B3GALNT2: variants seen among roughly 807,000 people sequenced by gnomAD.
B3GALNT2 encodes beta-1,3-N-acetylgalactosaminyltransferase 2, also known as UDP-GalNAc:beta-1,3-N-acetylgalactosaminyltransferase 2.
A neutral mutation model predicts 61.1 loss-of-function variants in B3GALNT2; 53 were observed. The observed-to-expected ratio is 0.87, with a 90% CI of 0.70 to 1.09. The LOEUF is 1.09. B3GALNT2 is among the 50% of genes least tolerant of loss of function. The pLI is 0.00. For synonymous variants in B3GALNT2, 223 were observed against 237.4 expected (o/e 0.94, Z 0.56); for missense variants, 544 against 623.0 (o/e 0.87, Z 1.35).
rs1226733916 is a variant in B3GALNT2 at position 235,504,235 on chromosome 1, C to A, written c.18G>T (p.Val6=). 1 of 1,484,706 alleles carries A rather than the reference C, an allele frequency of 6.7e-7. No individual in the cohort carries two copies. The highest frequency in any genetic ancestry group is 2.2e-5 in the Admixed American group (1 of 45,520). The allele number at this position is 1,484,706 out of a possible 1,614,324, so 92.0% of individuals were successfully genotyped here. A position where few individuals can be genotyped will look rare whatever the true frequency, so the allele number is the denominator to read the frequency against. MRNWL[V]LLCPCVLGAA... Reference sequence around the variant, plus strand: ...CCCCGAGCACACACGGGCACAGCAGCACCAGCCAGTTTCGCATTGGCCGCC... The same window carrying A: ...CCCCGAGCACACACGGGCACAGCAGAACCAGCCAGTTTCGCATTGGCCGCC... The change falls in exon 1 of 12, where the codon GTG becomes GTT. Residue 6 remains valine (V), a synonymous_variant. Coordinates refer to ENST00000366600, the MANE Select transcript of B3GALNT2 (RefSeq NM_152490.5).
In B3GALNT2 at chr1:235,450,352, C is replaced by T; in HGVS notation, c.1369-12G>A. 1 of 1,613,352 alleles carries T rather than the reference C, an allele frequency of 6.2e-7. No homozygotes were observed. Among genetic ancestry groups the T allele is most frequent in the Non-Finnish European group, 8.5e-7 (1 of 1,179,408 alleles). ...AGCCACAGACTGTCCTGTTGAGAAA[C>T]AACCAAAGCCGATCTGAGAGTGGTG... On this transcript the variant is annotated splice_polypyrimidine_tract_variant and intron_variant, in intron 11 of 11. Coordinates refer to ENST00000366600, the MANE Select transcript of B3GALNT2 (RefSeq NM_152490.5).
chr1:235,483,134 T>G (rs1684633662), intron 4 of B3GALNT2, among the ~76,000 whole-genome samples: 1 of 152,044 alleles, frequency 6.6e-6, no homozygotes, highest in Non-Finnish European at 1.5e-5. Context: ...AATAAAAAAT[T>G]CATTGGATAG....
intron 3 of B3GALNT2, among the ~76,000 whole-genome samples, chr1:235,487,800 T>C (rs143774929): frequency 1.9e-3 from 284 of 152,314 alleles, no homozygotes; most frequent in Middle Eastern, 3.4e-3. Context: ...GTCTTTGTTT[T>C]TGAGACAGGG....
intron 7 of B3GALNT2, chr1:235,465,314 T>C (rs1683634354): frequency 7.9e-6 from 2 of 254,254 alleles, no homozygotes; most frequent in South Asian, 1.6e-4. Context: ...GAGTACGTAC[T>C]GTGCATTTCC....
chr1:235,462,899 A>G (rs774278843), intron 7 of B3GALNT2, among the ~76,000 whole-genome samples: 4 of 152,222 alleles, frequency 2.6e-5, no homozygotes, highest in Non-Finnish European at 5.9e-5. Context: ...TAGGAAAGTA[A>G]GTCATTATAT....
At chr1:235,455,819 T>C (rs1456929328) in intron 8 of B3GALNT2, 135 bp from the exon 9 acceptor site, 8 of 1,167,784 alleles carry the variant, frequency 6.9e-6, no homozygotes, top group Non-Finnish European at 7.1e-6. Flanking sequence ...GTTGAGAACA[T>C]TTGCTCTAAC....
chr1:235,484,741 T>A (rs975393473), intron 3 of B3GALNT2: 2 of 710,932 alleles, frequency 2.8e-6, no homozygotes, highest in African/African-American at 3.6e-5. Context: ...AAGTTAATTA[T>A]CAGAACTGCT....
chr1:235,485,951 C>T (rs1684786642), intron 3 of B3GALNT2, among the ~76,000 whole-genome samples: 3 of 151,960 alleles, frequency 2.0e-5, no homozygotes, highest in Non-Finnish European at 4.4e-5. Context: ...ATTAGCTGGG[C>T]GTGGTGGCAC....
chr1:235,486,640 G>A (rs291391), intron 3 of B3GALNT2, among the ~76,000 whole-genome samples: 108,734 of 152,118 alleles, frequency 0.71, 39,471 homozygotes, highest in African/African-American at 0.84. Flanking sequence ...AGTTATATAC[G>A]CATTTAAAAA....
At chr1:235,499,314 C>A (rs942801392) in intron 1 of B3GALNT2, among the ~76,000 whole-genome samples, 1 of 152,144 alleles carries the variant, frequency 6.6e-6, no homozygotes, top group Non-Finnish European at 1.5e-5. Context: ...CAAAACAGAG[C>A]ATGAAGGGAA....
intron 5 of B3GALNT2, among the ~76,000 whole-genome samples, chr1:235,471,167 A>C (rs1022096844): frequency 6.6e-6 from 1 of 152,222 alleles, no homozygotes; most frequent in Non-Finnish European, 1.5e-5. Context: ...CCAATTACAA[A>C]GAGTATATAC....
intron 6 of B3GALNT2, 37 bp downstream of exon 6, chr1:235,470,813 A>G (rs759435011): frequency 1.2e-6 from 2 of 1,600,810 alleles, no homozygotes; most frequent in South Asian, 2.3e-5. Flanking sequence ...AAAAGAAGCT[A>G]AAATATGCAA....
downstream of B3GALNT2, among the ~76,000 whole-genome samples, chr1:235,445,996 A>G (rs1682243357): frequency 6.6e-6 from 1 of 152,154 alleles, no homozygotes; most frequent in Non-Finnish European, 1.5e-5. Flanking sequence ...TAAATTCATT[A>G]AAATAAAATA....
chr1:235,473,231 T>A (rs899559925), intron 5 of B3GALNT2, among the ~76,000 whole-genome samples: 8 of 152,212 alleles, frequency 5.3e-5, no homozygotes, highest in Non-Finnish European at 1.0e-4. Context: ...TTTCTTTCCT[T>A]TTTTAAAATA....
rs754518690 is a variant in B3GALNT2, at chr1:235,454,359, T to C, written c.1152-44A>G. 7 of 1,514,770 alleles carry C rather than the reference T, an allele frequency of 4.6e-6. No homozygotes were observed. The African/African-American group carries it at 8.3e-5, about 18-fold the overall frequency. 93.8% of individuals were successfully genotyped at this position (1,514,770 alleles called of 1,614,324 possible). Reference sequence around the variant, plus strand: ...TGGCCTCTTGTGTTAGTCTGACACATATCCTGCCACTATTAAAACTTGACT... The same window carrying C: ...TGGCCTCTTGTGTTAGTCTGACACACATCCTGCCACTATTAAAACTTGACT... On this transcript the variant is annotated intron_variant, in intron 9 of 11. Transcript: ENST00000366600.
At chr1:235,457,248 C>G (rs1249306958) in intron 8 of B3GALNT2, among the ~76,000 whole-genome samples, 1 of 152,202 alleles carries the variant, frequency 6.6e-6, no homozygotes, top group Non-Finnish European at 1.5e-5. Context: ...ACTTCCCACT[C>G]TGCCTAGGGC....
chr1:235,453,013 T>A (rs963329949), intron 11 of B3GALNT2, 77 bp downstream of exon 11: 2 of 1,316,292 alleles, frequency 1.5e-6, no homozygotes, highest in African/African-American at 3.0e-5. Context: ...GCATTTTGGA[T>A]AAAGAACACT....
chr1:235,440,069 C>T, the B3GALNT2 span, among the ~76,000 whole-genome samples: 2 of 152,168 alleles, frequency 1.3e-5, no homozygotes, highest in South Asian at 4.1e-4. Flanking sequence ...CTCCCGGGTT[C>T]ACGCCATTCT....
intron 2 of B3GALNT2, among the ~76,000 whole-genome samples, chr1:235,492,181 G>A (rs1454700577): frequency 6.6e-6 from 1 of 152,172 alleles, no homozygotes; most frequent in Non-Finnish European, 1.5e-5. Context: ...TGCAGTTTCT[G>A]TTACTAATTA....
Sources: gnomAD v4.1 joint callset for allele counts (sites outside exome capture counted in the v4.1 genomes callset) on GRCh38, gnomAD v4.1.1 for gene constraint, MANE v1.5 for transcripts, NCBI Gene and HGNC (gene_info 2026-07-23, HGNC 2026-07-21) for gene names.